IRF4: variants seen among roughly 807,000 people sequenced by gnomAD.
The protein encoded by IRF4 is lymphocyte-specific interferon regulatory factor.
IRF4 carries 13 observed loss-of-function variants against 55.5 expected under a neutral mutation model. The ratio of observed to expected loss-of-function variants is 0.23; its 90% confidence interval spans 0.15 to 0.37. The LOEUF (loss-of-function observed/expected upper bound fraction) is 0.37. IRF4 is among the 10% of genes least tolerant of loss of function. The pLI is 1.00. For missense variants in IRF4, 397 were observed against 593.8 expected, an observed-to-expected ratio of 0.67 and a Z score of 3.44; for synonymous variants, 249 against 240.7, an observed-to-expected ratio of 1.03 and a Z score of -0.32.
intron 1 of IRF4, among the ~76,000 whole-genome samples, chr6:392,113 G>A (rs1376657926): frequency 6.6e-6 from 1 of 152,210 alleles, no homozygotes; most frequent in Non-Finnish European, 1.5e-5. Context: ...GGGGCCCCAG[G>A]AGTGGCTGAG....
rs1267796428 is a variant in IRF4 at position 411,374 on chromosome 6, C to T, written c.*3776C>T. On this transcript the variant is annotated 3_prime_UTR_variant, in exon 9 of 9. Transcript: ENST00000380956. ...ATCATGAATTTTTATGTAAATTGCTCTGCAAAGCAAATTGATATGTTTGAT... is the reference window on the plus strand; with the variant it reads ...ATCATGAATTTTTATGTAAATTGCTTTGCAAAGCAAATTGATATGTTTGAT... 3 of 207,932 alleles carry T rather than the reference C, an allele frequency of 1.4e-5. No individual in the cohort carries two copies. Among genetic ancestry groups the T allele is most frequent in the Non-Finnish European group, 2.9e-5 (3 of 101,970 alleles). 12.9% of individuals were successfully genotyped at this position (207,932 alleles called of 1,614,324 possible).
In IRF4 at chr6:393,890, A is replaced by T. The variant is rs747891308; in HGVS notation, c.216+522A>T. Among the ~76,000 whole-genome samples the T allele has an allele frequency of 5.9e-5, 9 of 151,820 alleles. No homozygotes were observed. The highest frequency in any genetic ancestry group is 1.2e-4 in the Non-Finnish European group (8 of 67,934). On this transcript the variant is annotated intron_variant, in intron 2 of 8. Transcript: ENST00000380956. The surrounding 1 kb of genome is among the most constrained non-coding windows in gnomAD (Gnocchi z 5.4). ...GTCAGCCTCTCTTCTCGCTCCTGCT[A>T]GCTCTCTGCGGGTACTCCCACCTCT...
intron 7 of IRF4, 114 bp downstream of exon 7, chr6:401,891 C>T (rs1434389025): frequency 2.4e-5 from 21 of 880,812 alleles, no homozygotes; most frequent in South Asian, 4.9e-5. Flanking sequence ...CTGTTGACTT[C>T]GGCGCCCACT....
At chr6:406,945 C>T in intron 8 of IRF4, 2 of 1,003,610 alleles carry the variant, frequency 2.0e-6, no homozygotes, top group South Asian at 7.4e-5. Context: ...AATTTGAGGC[C>T]AGTTAGCTTC....
chr6:407,857 A>T lies in IRF4; in HGVS notation c.*259A>T. ...TGACTTTAGTGAAAGCGTCCAATTG[A>T]CTGCCCTCTTACTGTTTTGAGGAAT... On this transcript the variant is annotated 3_prime_UTR_variant, in exon 9 of 9. Transcript: ENST00000380956. 1 of 427,082 alleles carries T rather than the reference A, an allele frequency of 2.3e-6. No individual in the cohort carries two copies. Among genetic ancestry groups the T allele is most frequent in the Non-Finnish European group, 4.1e-6 (1 of 241,710 alleles). 26.5% of individuals were successfully genotyped at this position (427,082 alleles called of 1,614,324 possible). A position where few individuals can be genotyped will look rare whatever the true frequency, so the allele number is the denominator to read the frequency against.
rs1218667050 is a variant in IRF4 at position 411,288 on chromosome 6, A to G, written c.*3690A>G. 8 of 227,012 alleles carry G rather than the reference A, an allele frequency of 3.5e-5. No homozygotes were observed. The East Asian group carries it at 5.0e-4, about 14-fold the overall frequency. The allele number at this position is 227,012 out of a possible 1,614,324, so 14.1% of individuals were successfully genotyped here. A position where few individuals can be genotyped will look rare whatever the true frequency, so the allele number is the denominator to read the frequency against. On this transcript the variant is annotated 3_prime_UTR_variant, in exon 9 of 9. Coordinates refer to ENST00000380956, the MANE Select transcript of IRF4 (RefSeq NM_002460.4). ...CCTACTGGCTCTGCGTTTTGCTGAG[A>G]TCTGTAGGAAAGGATGCTTCACAAA...
chr6:398,904 C>T lies in IRF4; in HGVS notation c.714C>T (p.Ser238=), dbSNP rs1761334261. The T allele has an allele frequency of 6.2e-7, 1 of 1,612,966 alleles. No individual in the cohort carries two copies. The highest frequency in any genetic ancestry group is 2.2e-5 in the East Asian group (1 of 44,882). The change falls in exon 6 of 9, where the codon AGC becomes AGT. Residue 238 remains serine, a synonymous_variant. Transcript: ENST00000380956. ...SQAPGVPTEP[S]IRSAEALAFS... ...CTCCCGGAGTCCCCACAGAGCCAAGCATAAGGTCTGCCGAAGCCTTGGCGT... is the reference window on the plus strand; with the variant it reads ...CTCCCGGAGTCCCCACAGAGCCAAGTATAAGGTCTGCCGAAGCCTTGGCGT...
At chr6:401,291 G>A (rs1761391240) in intron 6 of IRF4, 133 bp from the exon 7 acceptor site, 4 of 663,808 alleles carry the variant, frequency 6.0e-6, no homozygotes, top group South Asian at 1.9e-5. Flanking sequence ...TCCTTGACGC[G>A]GGAACCTTTT....
chr6:397,995 GT>G (rs1761309905), intron 5 of IRF4, among the ~76,000 whole-genome samples: 1 of 152,176 alleles, frequency 6.6e-6, no homozygotes, highest in Admixed American at 6.5e-5. Flanking sequence ...TCATGTTCAG[GT>G]TATCCTTGGC....
At position 401,571 on chromosome 6, in the gene IRF4, A is replaced by G. The variant is rs140099868; in HGVS notation, c.893A>G (p.Asn298Ser). The part of the protein sequence containing the change: ...DQVLFPYPED[N>S]GQRKNIEKLL... ...GTCCTGTTCCCCTACCCAGAGGACA[A>G]TGGCCAGAGGAAAAACATTGAGAAG... The change falls in exon 7 of 9, where the codon AAT becomes AGT. Residue 298 changes from asparagine to serine, a missense_variant. This residue lies in a region of IRF4 where 341 missense variants were observed against 548.1 expected (regional missense o/e 0.62). Transcript: ENST00000380956. 243 of 1,614,002 alleles carry G rather than the reference A, an allele frequency of 1.5e-4. No homozygotes were observed. The highest frequency in any genetic ancestry group is 1.9e-4 in the Non-Finnish European group (228 of 1,180,034).
At chr6:403,604 G>A (rs1877179) in intron 7 of IRF4, among the ~76,000 whole-genome samples, 130,126 of 152,222 alleles carry the variant, frequency 0.85, 56,109 homozygotes, top group Middle Eastern at 0.94. Context: ...GTAGACTTGC[G>A]CGACTAGAAC....
rs1761605203 is a variant in IRF4, at chr6:408,315, CGT to C, written c.*719_*720del. 2 of 232,002 alleles carry C rather than the reference CGT, an allele frequency of 8.6e-6. No homozygotes were observed. The highest frequency in any genetic ancestry group is 6.0e-5 in the East Asian group (1 of 16,544). The allele number at this position is 232,002 out of a possible 1,614,324, so 14.4% of individuals were successfully genotyped here. ...AAGGAAATGAATCTTTGACTGAAGC[CGT>C]GCCTGTAGCCTTGGGGAGGCCCATC... On this transcript the variant is annotated 3_prime_UTR_variant, in exon 9 of 9. Transcript: ENST00000380956.
At chr6:392,603 C>T (rs1341028063) in intron 1 of IRF4, among the ~76,000 whole-genome samples, 3 of 152,252 alleles carry the variant, frequency 2.0e-5, no homozygotes, top group South Asian at 2.1e-4. Context: ...GGTGGAGGAA[C>T]CCGGGGCTGC....
At position 401,430 on chromosome 6, in the gene IRF4, G is replaced by A. The variant is rs199834880; in HGVS notation, c.752G>A (p.Arg251Gln). The change falls in exon 7 of 9, where the codon CGG becomes CAG. Residue 251 changes from arginine to glutamine, a missense_variant. Around this residue, in one of 3 missense-constraint regions of IRF4, gnomAD observed 341 missense variants for 548.1 expected, o/e 0.62. Coordinates refer to ENST00000380956, the MANE Select transcript of IRF4 (RefSeq NM_002460.4). ...SAEALAFSDC[R>Q]LHICLYYREI... ...CGGAGCTCTGTGTTTGCAGACTGCC[G>A]GCTGCACATCTGCCTGTACTACCGG... 20 of 1,611,540 alleles carry A rather than the reference G, an allele frequency of 1.2e-5. No homozygotes were observed. The highest frequency in any genetic ancestry group is 3.3e-5 in the South Asian group (3 of 91,040).
intron 5 of IRF4, 56 bp from the exon 6 acceptor site, chr6:398,772 C>T (rs1318861178): frequency 1.6e-5 from 21 of 1,312,278 alleles, no homozygotes; most frequent in East Asian, 4.7e-5. Flanking sequence ...CAGGAAGCCC[C>T]GCGGTGCGTC....
Position 393,113 on chromosome 6 carries a change from G to A in IRF4, c.-40G>A. The A allele has an allele frequency of 6.5e-7, 1 of 1,530,462 alleles. No homozygotes were observed. The highest frequency in any genetic ancestry group is 1.2e-5 in the South Asian group (1 of 82,234). The allele number at this position is 1,530,462 out of a possible 1,614,324, so 94.8% of individuals were successfully genotyped here. On this transcript the variant is annotated 5_prime_UTR_variant, in exon 2 of 9. Transcript: ENST00000380956. The surrounding 1 kb of genome is among the most constrained non-coding windows in gnomAD (Gnocchi z 5.4). ...CTCCCCGCAGTGCAGAGCAGAGCGG[G>A]CGGAGGACCCCGGGCGCGGGCGCGG...
intron 7 of IRF4, among the ~76,000 whole-genome samples, chr6:403,345 C>G (rs979825208): frequency 2.6e-5 from 4 of 152,384 alleles, no homozygotes; most frequent in Non-Finnish European, 4.4e-5. Context: ...CTAAGGCCCA[C>G]TGGGCCTGGA....
In IRF4 at chr6:408,047, GACCA is replaced by G. The variant is rs895626725; in HGVS notation, c.*451_*454del. 1 of 260,516 alleles carries G rather than the reference GACCA, an allele frequency of 3.8e-6. No individual in the cohort carries two copies. Among genetic ancestry groups the G allele is most frequent in the African/African-American group, 2.2e-5 (1 of 45,460 alleles). 16.1% of individuals were successfully genotyped at this position (260,516 alleles called of 1,614,324 possible). Reference sequence around the variant, plus strand: ...ATCATTGATGATCACTGTGAAAATTGACCAAGTGATGTGTTTACATTTACTGAAA... The same window carrying G: ...ATCATTGATGATCACTGTGAAAATTGAGTGATGTGTTTACATTTACTGAAA... On this transcript the variant is annotated 3_prime_UTR_variant, in exon 9 of 9. Coordinates refer to ENST00000380956, the MANE Select transcript of IRF4 (RefSeq NM_002460.4).
At chr6:406,742 AATT>A (rs767008913) in intron 8 of IRF4, 64 of 1,148,770 alleles carry the variant, frequency 5.6e-5, no homozygotes, top group Middle Eastern at 2.3e-4. Flanking sequence ...CACTTTTAAA[AATT>A]ATTAATTTAA....
Sources: allele counts gnomAD v4.1 joint callset (sites outside exome capture counted in the v4.1 genomes callset), GRCh38; gene constraint gnomAD v4.1.1; regional missense constraint gnomAD v4.1.1; non-coding constraint Gnocchi (gnomAD v3.1); transcripts MANE v1.5; gene names NCBI Gene and HGNC (gene_info 2026-07-23, HGNC 2026-07-21).